Variants in SOX6 observed in about 807,000 individuals in gnomAD.
The protein encoded by SOX6 is transcription factor SOX-6.
In SOX6, 11 loss-of-function variants were observed where a neutral mutation model predicts 97.8. The ratio of observed to expected loss-of-function variants is 0.11; its 90% CI spans 0.07 to 0.19. SOX6 has a LOEUF of 0.19. Ranked by LOEUF, SOX6 falls within the 10% of genes least tolerant of loss-of-function variation. SOX6 has a pLI of 1.00. For missense variants in SOX6, 810 were observed against 1,039.5 expected (o/e 0.78, Z 3.04); for synonymous variants, 360 against 371.4 (o/e 0.97, Z 0.35).
upstream of SOX6, among the ~76,000 whole-genome samples, chr11:16,477,638 T>C (rs1860277744): frequency 6.6e-6 from 1 of 152,110 alleles, no homozygotes. Flanking sequence ...ATTGCTTGAG[T>C]CCAGGAGTTC....
intron 2 of SOX6, among the ~76,000 whole-genome samples, chr11:16,320,379 A>G (rs908549172): frequency 4.6e-5 from 7 of 152,164 alleles, no homozygotes; most frequent in African/African-American, 1.7e-4. Flanking sequence ...AATGATATCT[A>G]CAGCAGTAAA....
chr11:16,151,472 A>G (rs1333355671), intron 6 of SOX6, among the ~76,000 whole-genome samples: 1 of 152,184 alleles, frequency 6.6e-6, no homozygotes, highest in Non-Finnish European at 1.5e-5. Context: ...TTCTTTTGAC[A>G]CAATCCCTGC....
At position 16,299,424 on chromosome 11, in the gene SOX6, T is replaced by A. The variant is rs370276019; in HGVS notation, c.445+19022A>T. 7.9e-5 allele frequency among the ~76,000 whole-genome samples: 12 copies of A among 152,056 alleles called. No homozygotes were observed. The East Asian group carries it at 2.1e-3, about 27-fold the overall frequency. On this transcript the variant is annotated intron_variant, in intron 3 of 15. Coordinates refer to ENST00000683767, the MANE Select transcript of SOX6 (RefSeq NM_001367873.1). ...TTTGACTCCTTATATGAGCCCAGAT[T>A]TTTTTTATAAAAAACGGGGGAGGGG... is the stretch of plus-strand genomic sequence containing the variant.
chr11:16,515,074 G>T (rs1860948417), intron 4 of SOX6, among the ~76,000 whole-genome samples: 1 of 150,654 alleles, frequency 6.6e-6, no homozygotes, highest in Admixed American at 6.6e-5. Flanking sequence ...TAATGGGATG[G>T]CTGGGTCAAA....
chr11:16,086,502 C>A (rs905877107), intron 9 of SOX6, among the ~76,000 whole-genome samples: 2 of 152,192 alleles, frequency 1.3e-5, no homozygotes, highest in Non-Finnish European at 2.9e-5. Flanking sequence ...ATACCCAGCT[C>A]CTAATGCAGC....
intron 3 of SOX6, among the ~76,000 whole-genome samples, chr11:16,641,644 C>A (rs1482203286): frequency 6.6e-6 from 1 of 152,136 alleles, no homozygotes; most frequent in African/African-American, 2.4e-5. Flanking sequence ...TGAATTGGTC[C>A]CTTTACCATT....
At chr11:16,697,599 G>A (rs2134039584) in intron 3 of SOX6, among the ~76,000 whole-genome samples, 1 of 152,300 alleles carries the variant, frequency 6.6e-6, no homozygotes, top group South Asian at 2.1e-4. Flanking sequence ...GACAGAGTGA[G>A]ACTCTATCTC....
At chr11:16,662,023 TAAATG>T (rs763441638) in intron 3 of SOX6, among the ~76,000 whole-genome samples, 1 of 152,234 alleles carries the variant, frequency 6.6e-6, no homozygotes, top group Non-Finnish European at 1.5e-5. Flanking sequence ...GCTATTACGT[TAAATG>T]AATAGTTATC....
chr11:16,538,357 A>G (rs928871901), intron 4 of SOX6, among the ~76,000 whole-genome samples: 2 of 152,136 alleles, frequency 1.3e-5, no homozygotes, highest in South Asian at 2.1e-4. Context: ...ACCAGTAACA[A>G]CCACTGCAAA....
intron 4 of SOX6, among the ~76,000 whole-genome samples, chr11:16,545,535 T>A (rs1290200816): frequency 2.6e-5 from 4 of 152,214 alleles, no homozygotes; most frequent in Non-Finnish European, 5.9e-5. Flanking sequence ...AAGCCTTTCC[T>A]CTAATAACTG....
chr11:16,681,469 G>T (rs891234464), intron 3 of SOX6, among the ~76,000 whole-genome samples: 22 of 152,124 alleles, frequency 1.4e-4, no homozygotes, highest in African/African-American at 4.6e-4. Flanking sequence ...AGTGTGTAGA[G>T]GGAAATTTAT....
rs565642134 is a variant in SOX6 at position 16,681,429 on chromosome 11, A to G, written n.429+33401T>C. ...AAACGAATTAGAACAAAGACACAACATACCAGAATCTCCGGGACACATTTA... is the reference window on the plus strand; with the variant it reads ...AAACGAATTAGAACAAAGACACAACGTACCAGAATCTCCGGGACACATTTA... On this transcript the variant is annotated intron_variant and non_coding_transcript_variant, in intron 3 of 5. Coordinates refer to the SOX6 transcript ENST00000524520. 3.3e-5 allele frequency among the ~76,000 whole-genome samples: 5 copies of G among 152,330 alleles called. 1 individual carries two copies. The highest frequency in any genetic ancestry group is 4.1e-4 in the South Asian group (2 of 4,828).
intron 9 of SOX6, among the ~76,000 whole-genome samples, chr11:16,069,630 T>C (rs1313296002): frequency 6.6e-6 from 1 of 152,216 alleles, no homozygotes; most frequent in Non-Finnish European, 1.5e-5. Flanking sequence ...ATAATCATGT[T>C]AAGGTGTTTT....
intron 1 of SOX6, among the ~76,000 whole-genome samples, chr11:16,445,949 T>C (rs1030966898): frequency 2.0e-5 from 3 of 152,086 alleles, no homozygotes; most frequent in Non-Finnish European, 4.4e-5. Flanking sequence ...GGTAACAAAG[T>C]AGAGGGCAAC....
At chr11:15,994,953 A>C (rs1854178675) in intron 13 of SOX6, among the ~76,000 whole-genome samples, 1 of 152,222 alleles carries the variant, frequency 6.6e-6, no homozygotes, top group South Asian at 2.1e-4. Flanking sequence ...TTACTAAATG[A>C]AATTCTGTTT....
At chr11:16,516,238 T>C (rs985360907) in intron 4 of SOX6, among the ~76,000 whole-genome samples, 6 of 151,844 alleles carry the variant, frequency 4.0e-5, no homozygotes, top group African/African-American at 1.5e-4. Flanking sequence ...CAGTGGTTTG[T>C]AGTTCTCCTT....
chr11:16,585,820 C>G (rs1013745500), intron 4 of SOX6, among the ~76,000 whole-genome samples: 5 of 151,502 alleles, frequency 3.3e-5, no homozygotes, highest in African/African-American at 1.2e-4. Flanking sequence ...ATAGCTGGAA[C>G]TACAGGCACA....
intron 12 of SOX6, among the ~76,000 whole-genome samples, chr11:16,035,015 A>G (rs1385609363): frequency 6.6e-6 from 1 of 152,190 alleles, no homozygotes; most frequent in African/African-American, 2.4e-5. Flanking sequence ...CACACAAGGA[A>G]CAGACTCACA....
chr11:16,318,408 GAAA>G, intron 3 of SOX6, 35 bp downstream of exon 3: 1 of 1,567,524 alleles, frequency 6.4e-7, no homozygotes, highest in South Asian at 1.1e-5. Context: ...ATCTTTAGAA[GAAA>G]AAAAACAGAG....
Sources: allele counts gnomAD v4.1 joint callset (sites outside exome capture counted in the v4.1 genomes callset), GRCh38; gene constraint gnomAD v4.1.1; transcripts MANE v1.5; gene names NCBI Gene and HGNC (gene_info 2026-07-23, HGNC 2026-07-21).